The following CAPNS1 variants were observed in gnomAD, a reference collection of about 807,000 sequenced individuals.
The protein encoded by CAPNS1 is calpain small subunit 1, also known as CANP small subunit.
A neutral mutation model predicts 39.2 loss-of-function variants in CAPNS1; 32 were observed. That is an observed-to-expected ratio of 0.82 (90% CI 0.62 to 1.10). The LOEUF is 1.10. Ranked by LOEUF, CAPNS1 falls within the 50% of genes least tolerant of loss-of-function variation. The pLI, the probability that CAPNS1 is intolerant of heterozygous loss-of-function variation, is 0.00. For missense variants in CAPNS1, 353 were observed against 373.1 expected, an observed-to-expected ratio of 0.95 and a Z score of 0.44; for synonymous variants, 153 against 136.2, an observed-to-expected ratio of 1.12 and a Z score of -0.86.
chr19:36,144,195 A>G (rs553538757), intron 6 of CAPNS1: 1 of 151,220 alleles, frequency 6.6e-6, no homozygotes, highest in Admixed American at 6.6e-5. Context: ...AAAAAAAGAA[A>G]AAAAAAGAAA....
At chr19:36,143,476 C>G (rs1974451981) in intron 6 of CAPNS1, among the ~76,000 whole-genome samples, 1 of 152,030 alleles carries the variant, frequency 6.6e-6, no homozygotes, top group African/African-American at 2.4e-5. Flanking sequence ...CCTGTAATCC[C>G]AACACTTTGG....
At chr19:36,140,732 C>T in intron 1 of CAPNS1, 1 of 407,364 alleles carries the variant, frequency 2.5e-6, no homozygotes. Context: ...CAAGAGAACC[C>T]CCACCAGATC....
rs916812963 is a variant in CAPNS1 at position 36,141,275 on chromosome 19, AGGCGTGGTCTGGGAGG to A, written c.209+66_209+81del. 8 of 1,475,580 alleles carry A rather than the reference AGGCGTGGTCTGGGAGG, an allele frequency of 5.4e-6. No individual in the cohort carries two copies. The African/African-American group carries it at 1.2e-4, about 22-fold the overall frequency. 91.4% of individuals were successfully genotyped at this position (1,475,580 alleles called of 1,614,324 possible). On this transcript the variant is annotated intron_variant, in intron 2 of 10. Transcript: ENST00000246533. ...CCTGGGAATGGGAGGAGCCTCAGTG[AGGCGTGGTCTGGGAGG>A]GGCGTGGTCTAAAAATAGAATAGGA...
chr19:36,141,294 C>A, intron 2 of CAPNS1, 74 bp downstream of exon 2: 2 of 1,437,616 alleles, frequency 1.4e-6, no homozygotes, highest in South Asian at 2.9e-5. Context: ...CTGGGAGGGG[C>A]GTGGTCTAAA....
rs368160349 is a variant in CAPNS1 at position 36,140,102 on chromosome 19, G to A, written c.-71G>A. On this transcript the variant is annotated 5_prime_UTR_variant, in exon 1 of 11. Coordinates refer to ENST00000246533, the MANE Select transcript of CAPNS1 (RefSeq NM_001749.4). ...CCCGCCCTCCGGAGCCGGACGCTGC[G>A]GGAGGCCCGGGAGCGGCAGTGGAAC... is the stretch of plus-strand genomic sequence containing the variant. The A allele has an allele frequency of 1.3e-5, 2 of 152,212 alleles. No individual in the cohort carries two copies. The highest frequency in any genetic ancestry group is 4.8e-5 in the African/African-American group (2 of 41,454). The allele number at this position is 152,212 out of a possible 1,614,324, so 9.4% of individuals were successfully genotyped here. A position where few individuals can be genotyped will look rare whatever the true frequency, so the allele number is the denominator to read the frequency against.
intron 3 of CAPNS1, 42 bp from the exon 4 acceptor site, chr19:36,142,610 C>T (rs1268200698): frequency 1.3e-6 from 2 of 1,561,920 alleles, no homozygotes; most frequent in South Asian, 1.1e-5. Context: ...CCGTCCTGGC[C>T]GGGTTCCCCT....
chr19:36,146,448 T>C, intron 9 of CAPNS1, 136 bp downstream of exon 9: 1 of 697,260 alleles, frequency 1.4e-6, no homozygotes, highest in African/African-American at 1.7e-5. Flanking sequence ...GTTTCTGCCC[T>C]CATGGAGCTC....
Position 36,143,135 on chromosome 19 carries a change from T to C in CAPNS1, c.456+7T>C. The stretch of plus-strand genomic sequence containing the variant: ...CATGGTGGCCGTGATGGATGTATCC[T>C]TGGGGGCAGTGTGGGAGAGGCCCTG... On this transcript the variant is annotated splice_region_variant and intron_variant, in intron 6 of 10. Transcript: ENST00000246533. The C allele has an allele frequency of 6.2e-7, 1 of 1,613,614 alleles. No homozygotes were observed. The highest frequency in any genetic ancestry group is 8.5e-7 in the Non-Finnish European group (1 of 1,179,800).
At chr19:36,146,944 C>T in intron 9 of CAPNS1, among the ~76,000 whole-genome samples, 1 of 152,206 alleles carries the variant, frequency 6.6e-6, no homozygotes, top group East Asian at 1.9e-4. Context: ...TCCTAGGCTC[C>T]AGCAGTCCTC....
chr19:36,147,353 T>C (rs143627098), intron 9 of CAPNS1, among the ~76,000 whole-genome samples: 5 of 152,276 alleles, frequency 3.3e-5, no homozygotes, highest in African/African-American at 1.2e-4. Context: ...TGAGCATGAT[T>C]AGGTCATGCA....
Position 36,140,985 on chromosome 19 carries a change from T to C in CAPNS1, c.-15-12T>C. ...GGGCGAAGCACCCACTGGTCCCCTT[T>C]TTTCCCCCCAGCAGTGAGTCGCAGC... On this transcript the variant is annotated splice_polypyrimidine_tract_variant and intron_variant, in intron 1 of 10. Coordinates refer to ENST00000246533, the MANE Select transcript of CAPNS1 (RefSeq NM_001749.4). 1.2e-6 allele frequency: 2 copies of C among 1,600,148 alleles called. No individual in the cohort carries two copies. The highest frequency in any genetic ancestry group is 8.5e-7 in the Non-Finnish European group (1 of 1,174,082).
In CAPNS1 at chr19:36,142,372, A is replaced by G; in HGVS notation, c.243+39A>G. 1 of 1,223,512 alleles carries G rather than the reference A, an allele frequency of 8.2e-7. No homozygotes were observed. Among genetic ancestry groups the G allele is most frequent in the Non-Finnish European group, 1.2e-6 (1 of 860,192 alleles). 75.8% of individuals were successfully genotyped at this position (1,223,512 alleles called of 1,614,324 possible). On this transcript the variant is annotated intron_variant, in intron 3 of 10. Transcript: ENST00000246533. ...GCAACCAGACCCCCTTCTCCTGCCA[A>G]GGCCTCTTCGAGGTCCCATCCCTGT... is the stretch of plus-strand genomic sequence containing the variant.
intron 9 of CAPNS1, among the ~76,000 whole-genome samples, chr19:36,146,758 A>C (rs1476382971): frequency 6.6e-6 from 1 of 152,136 alleles, no homozygotes; most frequent in African/African-American, 2.4e-5. Flanking sequence ...GAAGGTAGGG[A>C]ATACTGTTGC....
chr19:36,145,593 G>T (rs1272283276), intron 6 of CAPNS1: 6 of 548,138 alleles, frequency 1.1e-5, no homozygotes, highest in Non-Finnish European at 2.0e-5. Context: ...TCATGGTTAT[G>T]TTTAAAGAGA....
chr19:36,147,849 T>C (rs1288642651), intron 9 of CAPNS1, among the ~76,000 whole-genome samples: 5 of 149,810 alleles, frequency 3.3e-5, no homozygotes, highest in Non-Finnish European at 5.9e-5. Flanking sequence ...GAGGTGGGCG[T>C]AAAACCTGAG....
rs1974701587 is a variant in CAPNS1, at chr19:36,149,652, T to C, written c.780+16T>C. The C allele has an allele frequency of 6.9e-6, 11 of 1,583,036 alleles. No homozygotes were observed. The East Asian group carries it at 2.4e-4, about 34-fold the overall frequency. ...CATCCAGGAGGTAAGGACCCCCATA[T>C]TGGGGTATGGGTGCCTGGGAGGACC... On this transcript the variant is annotated intron_variant, in intron 10 of 10. Coordinates refer to ENST00000246533, the MANE Select transcript of CAPNS1 (RefSeq NM_001749.4).
chr19:36,142,164 G>T, intron 2 of CAPNS1, 136 bp from the exon 3 acceptor site: 1 of 758,830 alleles, frequency 1.3e-6, no homozygotes, highest in South Asian at 1.4e-5. Flanking sequence ...ATGAGGACAA[G>T]AACAAATGAA....
chr19:36,148,990 G>C (rs2145934661), intron 9 of CAPNS1, among the ~76,000 whole-genome samples: 1 of 152,288 alleles, frequency 6.6e-6, no homozygotes, highest in East Asian at 1.9e-4. Context: ...GACTCTAGGG[G>C]CAGGAAGTAG....
chr19:36,141,152 CGGTGGTGGAGGCGGCGGT>C lies in CAPNS1; in HGVS notation c.144_161del (p.Gly51_Gly56del). 2.3e-6 allele frequency: 3 copies of C among 1,317,760 alleles called. No homozygotes were observed. Among genetic ancestry groups the C allele is most frequent in the Non-Finnish European group, 2.9e-6 (3 of 1,026,752 alleles). The allele number at this position is 1,317,760 out of a possible 1,614,324, so 81.6% of individuals were successfully genotyped here. On this transcript the variant is annotated inframe_deletion, in exon 2 of 11. Transcript: ENST00000246533. The stretch of plus-strand genomic sequence containing the variant: ...GCGGCGGCGGCGGCGGCGGCGGCGG[CGGTGGTGGAGGCGGCGGT>C]GGCGGTGGAACGGCCATGCGCATCC...
Sources: gnomAD v4.1 joint callset for allele counts (sites outside exome capture counted in the v4.1 genomes callset) on GRCh38, gnomAD v4.1.1 for gene constraint, MANE v1.5 for transcripts, NCBI Gene and HGNC (gene_info 2026-07-23, HGNC 2026-07-21) for gene names.